The following TBC1D14 variants were observed in gnomAD, a reference collection of about 807,000 sequenced individuals.
TBC1D14 encodes the protein TBC1 domain family member 14.
Under a neutral mutation model 79.0 loss-of-function variants are expected in TBC1D14, and 26 were observed. The observed-to-expected ratio is 0.33, with a 90% confidence interval of 0.24 to 0.46. TBC1D14 has a LOEUF of 0.46. Ranked by LOEUF, TBC1D14 falls within the 20% of genes least tolerant of loss-of-function variation. The pLI is 1.00. For synonymous variants in TBC1D14, 394 were observed against 349.9 expected (o/e 1.13, Z -1.40); for missense variants, 769 against 887.6 (o/e 0.87, Z 1.70).
chr4:6,954,077 T>A (rs1714377814), intron 2 of TBC1D14: 1 of 569,060 alleles, frequency 1.8e-6, no homozygotes, highest in Admixed American at 3.1e-5. Context: ...GACTTTGGGC[T>A]CACTCCTCCC....
At position 6,955,737 on chromosome 4, in the gene TBC1D14, T is replaced by C. The variant is rs1714570558; in HGVS notation, c.723-11567T>C. 3.3e-5 allele frequency among the ~76,000 whole-genome samples: 5 copies of C among 152,194 alleles called. No homozygotes were observed. The South Asian group carries it at 1.0e-3, about 32-fold the overall frequency. On this transcript the variant is annotated intron_variant, in intron 2 of 13. Coordinates refer to ENST00000409757, the MANE Select transcript of TBC1D14 (RefSeq NM_020773.3). ...GGACTTTGGGTTTATTTCTTAAGAC[T>C]TGAGAGGCTTTGAGAAAGCCCTGAT...
At chr4:6,917,756 G>A (rs1723516631) in intron 1 of TBC1D14, among the ~76,000 whole-genome samples, 1 of 152,098 alleles carries the variant, frequency 6.6e-6, no homozygotes, top group Admixed American at 6.5e-5. Flanking sequence ...TCTCCTGGCT[G>A]GCGTCCAGAG....
chr4:6,999,456 C>G (rs1719433850), intron 6 of TBC1D14, among the ~76,000 whole-genome samples: 1 of 152,060 alleles, frequency 6.6e-6, no homozygotes, highest in South Asian at 2.1e-4. Flanking sequence ...GTCAGTGTCC[C>G]CTCCCTTACC....
intron 12 of TBC1D14, among the ~76,000 whole-genome samples, chr4:7,023,121 G>A (rs985004719): frequency 2.6e-5 from 4 of 152,146 alleles, no homozygotes; most frequent in African/African-American, 9.7e-5. Flanking sequence ...GGGCATGGTC[G>A]TGGACGCCTG....
At position 6,965,037 on chromosome 4, in the gene TBC1D14, A is replaced by C. The variant is rs533034742; in HGVS notation, c.723-2267A>C. Among the ~76,000 whole-genome samples the C allele has an allele frequency of 2.6e-5, 4 of 152,370 alleles. No individual in the cohort carries two copies. The South Asian group carries it at 8.3e-4, about 32-fold the overall frequency. ...CTTAAATATATCAGCATATTTCCTA[A>C]GAACAAGGGCATTCCCTTATGTAAC... On this transcript the variant is annotated intron_variant, in intron 2 of 13. Transcript: ENST00000409757.
chr4:6,989,167 C>G (rs1032925811), intron 3 of TBC1D14, among the ~76,000 whole-genome samples: 1 of 152,126 alleles, frequency 6.6e-6, no homozygotes, highest in Middle Eastern at 3.2e-3. Flanking sequence ...TCAGGAGCCT[C>G]GTGCCCTTCT....
chr4:6,909,818 T>A (rs1722817291), upstream of TBC1D14: 1 of 148,026 alleles, frequency 6.8e-6, no homozygotes, highest in Non-Finnish European at 1.5e-5. Flanking sequence ...CGCGGGCTGC[T>A]CGCGCGCACC....
At chr4:6,988,064 G>C (rs952526188) in intron 3 of TBC1D14, among the ~76,000 whole-genome samples, 3 of 152,190 alleles carry the variant, frequency 2.0e-5, no homozygotes, top group Non-Finnish European at 4.4e-5. Context: ...GGGGTTAGCC[G>C]GGGCTGCCTT....
intron 2 of TBC1D14, among the ~76,000 whole-genome samples, chr4:6,940,177 T>A (rs1195183438): frequency 6.6e-6 from 1 of 152,234 alleles, no homozygotes; most frequent in African/African-American, 2.4e-5. Context: ...AATGGAAAAT[T>A]CAGTTTCTTA....
intron 7 of TBC1D14, among the ~76,000 whole-genome samples, chr4:7,002,991 C>G (rs1284303457): frequency 6.6e-6 from 1 of 152,184 alleles, no homozygotes; most frequent in Non-Finnish European, 1.5e-5. Flanking sequence ...TAGGCCCAGG[C>G]TAATCCTAAA....
intron 2 of TBC1D14, among the ~76,000 whole-genome samples, chr4:6,945,394 CTG>C (rs2108987376): frequency 6.6e-6 from 1 of 152,224 alleles, no homozygotes; most frequent in South Asian, 2.1e-4. Flanking sequence ...GAAAAAAAAT[CTG>C]AAATAATTCA....
intron 2 of TBC1D14, among the ~76,000 whole-genome samples, chr4:6,943,703 C>T (rs1713137630): frequency 6.6e-6 from 1 of 152,180 alleles, no homozygotes. Context: ...TTCTTTGAGA[C>T]CACACTAGCC....
At chr4:6,911,722 T>C (rs13118486) in intron 1 of TBC1D14, among the ~76,000 whole-genome samples, 20,915 of 152,160 alleles carry the variant, frequency 0.14, 1,539 homozygotes, top group Middle Eastern at 0.24. Context: ...ATAGAAGGCC[T>C]CTCTCAAAGT....
chr4:7,030,538 A>C lies in TBC1D14; in HGVS notation c.*146A>C. ...CACTGGAGTTGGCCTTAAACAAAAC[A>C]AACACAAAAACTTTTAAAGAATTAA... On this transcript the variant is annotated 3_prime_UTR_variant, in exon 14 of 14. Coordinates refer to ENST00000409757, the MANE Select transcript of TBC1D14 (RefSeq NM_020773.3). 1 of 759,914 alleles carries C rather than the reference A, an allele frequency of 1.3e-6. No individual in the cohort carries two copies. The highest frequency in any genetic ancestry group is 2.1e-6 in the Non-Finnish European group (1 of 471,748). The allele number at this position is 759,914 out of a possible 1,614,324, so 47.1% of individuals were successfully genotyped here. A position where few individuals can be genotyped will look rare whatever the true frequency, so the allele number is the denominator to read the frequency against.
chr4:6,934,941 G>A (rs1335368876), intron 2 of TBC1D14, among the ~76,000 whole-genome samples: 1 of 152,188 alleles, frequency 6.6e-6, no homozygotes, highest in Admixed American at 6.5e-5. Flanking sequence ...TTATCTGGGT[G>A]TGGTGGTGTG....
chr4:6,909,975 CCGGGCCG>C (rs1240699340), intron 1 of TBC1D14, 24 bp downstream of exon 1: 2 of 147,362 alleles, frequency 1.4e-5, no homozygotes, highest in Admixed American at 6.7e-5. Context: ...CCCGCGAGGG[CCGGGCCG>C]CGGGCCGCGA....
intron 2 of TBC1D14, among the ~76,000 whole-genome samples, chr4:6,964,086 G>A (rs1381484652): frequency 5.3e-5 from 8 of 152,106 alleles, no homozygotes; most frequent in East Asian, 3.9e-4. Flanking sequence ...GTGAGCCACC[G>A]TGCCCAGCCA....
At chr4:6,990,893 TTC>T (rs1294459912) in intron 3 of TBC1D14, among the ~76,000 whole-genome samples, 1 of 141,016 alleles carries the variant, frequency 7.1e-6, no homozygotes, top group Non-Finnish European at 1.5e-5. Context: ...CAACTGAGTG[TTC>T]TTTCTCCAGT....
intron 3 of TBC1D14, among the ~76,000 whole-genome samples, chr4:6,977,382 C>G (rs1009616866): frequency 1.4e-3 from 201 of 144,640 alleles, no homozygotes; most frequent in African/African-American, 4.5e-3. Flanking sequence ...CTCGGCCTCC[C>G]GAGGTGCCGG....
Sources: gnomAD v4.1 joint callset for allele counts (sites outside exome capture counted in the v4.1 genomes callset) on GRCh38, gnomAD v4.1.1 for gene constraint, MANE v1.5 for transcripts, NCBI Gene and HGNC (gene_info 2026-07-23, HGNC 2026-07-21) for gene names.